The following TMEM87A variants were observed in gnomAD, a reference collection of about 807,000 sequenced individuals.
TMEM87A encodes the protein transmembrane protein 87A, also known as Golgi-pH regulating cation channel.
TMEM87A carries 50 observed loss-of-function variants against 90.0 expected under a neutral mutation model. The observed-to-expected ratio is 0.56, with a 90% CI of 0.44 to 0.70. TMEM87A has a LOEUF of 0.70. Ranked by LOEUF, TMEM87A falls within the 30% of genes least tolerant of loss-of-function variation. The pLI is 0.00. For missense variants in TMEM87A, 577 were observed against 660.5 expected (o/e 0.87, Z 1.39); for synonymous variants, 226 against 226.7 (o/e 1.00, Z 0.03).
At chr15:42,222,303 C>T (rs1041673232) in intron 15 of TMEM87A, among the ~76,000 whole-genome samples, 4 of 152,130 alleles carry the variant, frequency 2.6e-5, no homozygotes, top group Non-Finnish European at 4.4e-5. Context: ...GTGATCTGTC[C>T]GCTTCAGCCT....
At chr15:42,226,771 T>C in intron 15 of TMEM87A, 35 bp downstream of exon 15, 1 of 1,570,402 alleles carries the variant, frequency 6.4e-7, no homozygotes, top group South Asian at 1.1e-5. Flanking sequence ...CATGGTCATC[T>C]CATGTTAGCA....
At chr15:42,217,528 A>G (rs963787904) in intron 19 of TMEM87A, among the ~76,000 whole-genome samples, 5 of 152,328 alleles carry the variant, frequency 3.3e-5, no homozygotes, top group Admixed American at 1.3e-4. Flanking sequence ...GATGGTGGAG[A>G]GTACTGTATT....
At chr15:42,232,949 C>G in intron 11 of TMEM87A, 1 of 227,466 alleles carries the variant, frequency 4.4e-6, no homozygotes, top group Middle Eastern at 1.5e-3. Context: ...AAAAAAAATG[C>G]AAGTCTACTG....
chr15:42,265,547 G>A (rs561136387), intron 3 of TMEM87A, among the ~76,000 whole-genome samples: 1 of 151,454 alleles, frequency 6.6e-6, no homozygotes, highest in South Asian at 2.1e-4. Flanking sequence ...ACTTTTCTAT[G>A]GGGTTGTTTT....
chr15:42,262,438 C>CTT (rs146641481), intron 4 of TMEM87A, among the ~76,000 whole-genome samples: 1 of 125,898 alleles, frequency 7.9e-6, no homozygotes, highest in African/African-American at 2.9e-5. Context: ...TCAATTATCC[C>CTT]TTTTTTTTTT....
At chr15:42,250,478 C>T (rs1187246785) in intron 6 of TMEM87A, among the ~76,000 whole-genome samples, 1 of 152,200 alleles carries the variant, frequency 6.6e-6, no homozygotes, top group Non-Finnish European at 1.5e-5. Context: ...ACAAAAATCT[C>T]TCAGCATTTG....
rs1170020770 is a variant in TMEM87A, at chr15:42,211,035, A to G, written c.*673T>C. ...GAGTTAAGCTAATATTTCTCTTTAA[A>G]GTACATCTGAAATAGAAAAATCTTT... On this transcript the variant is annotated 3_prime_UTR_variant, in exon 20 of 20. Transcript: ENST00000389834. 1 of 152,680 alleles carries G rather than the reference A, an allele frequency of 6.5e-6. No individual in the cohort carries two copies. The highest frequency in any genetic ancestry group is 1.5e-5 in the Non-Finnish European group (1 of 68,042). The allele number at this position is 152,680 out of a possible 1,614,324, so 9.5% of individuals were successfully genotyped here.
rs1412227989 is a variant in TMEM87A at position 42,272,996 on chromosome 15, TTC to T, written c.144+257_144+258del. On this transcript the variant is annotated intron_variant, in intron 1 of 19. Coordinates refer to ENST00000389834, the MANE Select transcript of TMEM87A (RefSeq NM_015497.5). ...TACATCTCAAGTCAGGCACTGAAAG[TTC>T]TGTTTTTCTGATGAGAAGCCGCTCC... The T allele has an allele frequency of 1.4e-5, 9 of 636,160 alleles. No individual in the cohort carries two copies. In the East Asian group the frequency reaches 2.5e-4, roughly 18 times the overall value. The allele number at this position is 636,160 out of a possible 1,614,324, so 39.4% of individuals were successfully genotyped here.
intron 4 of TMEM87A, 109 bp from the exon 5 acceptor site, chr15:42,261,358 TA>T: frequency 1.3e-6 from 1 of 767,846 alleles, no homozygotes; most frequent in South Asian, 2.2e-5. Context: ...CCCTAACTAG[TA>T]AATATAATAA....
chr15:42,235,862 T>C (rs1195318974), intron 10 of TMEM87A, among the ~76,000 whole-genome samples: 81 of 152,200 alleles, frequency 5.3e-4, no homozygotes, highest in Non-Finnish European at 2.2e-4. Flanking sequence ...CTCAAAATCT[T>C]CTGTTTACTT....
At chr15:42,229,548 T>A (rs2140931347) in intron 12 of TMEM87A, among the ~76,000 whole-genome samples, 1 of 152,048 alleles carries the variant, frequency 6.6e-6, no homozygotes, top group East Asian at 1.9e-4. Context: ...TCTGTTCTCA[T>A]CTGTCCAGCA....
Position 42,259,557 on chromosome 15 carries a change from T to G in TMEM87A, c.504+1401A>C, listed in dbSNP as rs555830675. 3.9e-5 allele frequency among the ~76,000 whole-genome samples: 6 copies of G among 152,340 alleles called. No individual in the cohort carries two copies. The South Asian group carries it at 1.0e-3, about 26-fold the overall frequency. On this transcript the variant is annotated intron_variant, in intron 6 of 19. Coordinates refer to ENST00000389834, the MANE Select transcript of TMEM87A (RefSeq NM_015497.5). ...GTCAAAAACATTGAACAGCAATCCT[T>G]CAAGATCACAGCTGCCTGAGGTGAC...
chr15:42,221,482 AAT>A (rs967888427), intron 15 of TMEM87A, among the ~76,000 whole-genome samples: 43 of 152,268 alleles, frequency 2.8e-4, no homozygotes, highest in African/African-American at 9.6e-4. Context: ...AATTATCAAA[AAT>A]ATATATATAA....
At chr15:42,243,672 A>C (rs2050916385) in intron 7 of TMEM87A, among the ~76,000 whole-genome samples, 3 of 152,002 alleles carry the variant, frequency 2.0e-5, no homozygotes, top group Admixed American at 2.0e-4. Context: ...GGCATGTGCC[A>C]CCACACCGAG....
At chr15:42,219,486 T>C (rs1444104729) in intron 17 of TMEM87A, 95 bp downstream of exon 17, 3 of 990,852 alleles carry the variant, frequency 3.0e-6, no homozygotes, top group African/African-American at 1.7e-5. Context: ...CCAAGACCAA[T>C]GTCACAGAAT....
At chr15:42,240,891 G>A (rs977070098) in intron 7 of TMEM87A, among the ~76,000 whole-genome samples, 15 of 152,114 alleles carry the variant, frequency 9.9e-5, no homozygotes, top group Non-Finnish European at 1.6e-4. Flanking sequence ...TTCAATAAAA[G>A]AGTAAACAAA....
intron 17 of TMEM87A, 41 bp downstream of exon 17, chr15:42,219,540 A>G (rs2050436964): frequency 6.7e-7 from 1 of 1,494,960 alleles, no homozygotes; most frequent in African/African-American, 1.4e-5. Context: ...GGGTTGGAAG[A>G]TGGGACAAAG....
At chr15:42,269,980 C>T (rs1434719143) in intron 2 of TMEM87A, among the ~76,000 whole-genome samples, 1 of 150,604 alleles carries the variant, frequency 6.6e-6, no homozygotes, top group African/African-American at 2.4e-5. Flanking sequence ...CCCAGCTATT[C>T]CATGGAAAGC....
At chr15:42,221,291 G>C (rs1246116159) in intron 15 of TMEM87A, among the ~76,000 whole-genome samples, 2 of 147,204 alleles carry the variant, frequency 1.4e-5, no homozygotes, top group Admixed American at 6.7e-5. Flanking sequence ...GAGAGAGAGA[G>C]AGAGACAGAG....
Sources: gnomAD v4.1 joint callset for allele counts (sites outside exome capture counted in the v4.1 genomes callset) on GRCh38, gnomAD v4.1.1 for gene constraint, MANE v1.5 for transcripts, NCBI Gene and HGNC (gene_info 2026-07-23, HGNC 2026-07-21) for gene names.